Variants in TTK observed in about 807,000 individuals in gnomAD.
The protein encoded by TTK is TTK protein kinase.
A neutral mutation model predicts 117.3 loss-of-function variants in TTK; 59 were observed. The ratio of observed to expected loss-of-function variants is 0.50; its 90% CI spans 0.41 to 0.62. TTK has a LOEUF of 0.62. Among genes scored for constraint, TTK ranks in the 20% least tolerant of loss-of-function variants. The pLI is 0.00. For synonymous variants in TTK, 302 were observed against 325.0 expected (o/e 0.93, Z 0.76); for missense variants, 921 against 989.4 (o/e 0.93, Z 0.93).
rs1767871233 is a variant in TTK at position 80,035,320 on chromosome 6, T to C, written c.1827T>C (p.Leu609=). 2.5e-6 allele frequency: 4 copies of C among 1,612,416 alleles called. No individual in the cohort carries two copies. The highest frequency in any genetic ancestry group is 2.5e-6 in the Non-Finnish European group (3 of 1,179,258). The change falls in exon 16 of 22, where the codon CTT becomes CTC. Residue 609 remains leucine (L), a synonymous_variant. Transcript: ENST00000369798. ...TAATGGAGTGTGGAAATATTGATCTTAATAGTTGGCTTAAAAAGAAAAAAT... is the reference window on the plus strand; with the variant it reads ...TAATGGAGTGTGGAAATATTGATCTCAATAGTTGGCTTAAAAAGAAAAAAT... ...YMVMECGNID[L]NSWLKKKKSI... is the part of the protein sequence containing the mutation.
intron 4 of TTK, among the ~76,000 whole-genome samples, chr6:80,009,313 T>A (rs181426837): frequency 7.1e-4 from 108 of 152,192 alleles, no homozygotes; most frequent in Admixed American, 9.8e-4. Context: ...TCCCCAGGAT[T>A]GAGCCTGGAG....
At chr6:80,039,481 G>A (rs1037070522) in intron 18 of TTK, among the ~76,000 whole-genome samples, 1 of 151,632 alleles carries the variant, frequency 6.6e-6, no homozygotes, top group African/African-American at 2.4e-5. Flanking sequence ...TTAATTATGA[G>A]GTTATAGAAA....
At chr6:80,008,770 G>A (rs971760221) in intron 4 of TTK, among the ~76,000 whole-genome samples, 34 of 152,082 alleles carry the variant, frequency 2.2e-4, no homozygotes, top group Admixed American at 1.3e-4. Context: ...GAAAGTAGCT[G>A]CTTCACTGAG....
chr6:80,036,693 C>T (rs1767915596), intron 17 of TTK, 94 bp downstream of exon 17: 3 of 1,291,958 alleles, frequency 2.3e-6, no homozygotes, highest in Non-Finnish European at 3.1e-6. Context: ...TTTTTAATCA[C>T]CTCATTCTTC....
At chr6:80,025,840 AG>A (rs1767590068) in intron 11 of TTK, among the ~76,000 whole-genome samples, 1 of 150,462 alleles carries the variant, frequency 6.6e-6, no homozygotes, top group South Asian at 2.1e-4. Context: ...GGGTTTGTAT[AG>A]GATGAATCCT....
chr6:80,032,166 T>G (rs1358090217), intron 14 of TTK, among the ~76,000 whole-genome samples: 1 of 152,196 alleles, frequency 6.6e-6, no homozygotes, highest in African/African-American at 2.4e-5. Context: ...CCAGAATAAC[T>G]GTAATCAAGA....
chr6:80,021,096 A>G (rs1767446116), intron 10 of TTK, among the ~76,000 whole-genome samples: 2 of 152,230 alleles, frequency 1.3e-5, no homozygotes, highest in South Asian at 4.1e-4. Flanking sequence ...AGGATTTCCC[A>G]GTACACTCTG....
chr6:80,010,750 C>T, intron 4 of TTK, 64 bp from the exon 5 acceptor site: 1 of 1,450,582 alleles, frequency 6.9e-7, no homozygotes, highest in South Asian at 1.3e-5. Flanking sequence ...GAATACGTAT[C>T]TGGGTGGTCT....
At chr6:80,022,494 A>C in intron 11 of TTK, 22 bp downstream of exon 11, 2 of 1,605,298 alleles carry the variant, frequency 1.2e-6, no homozygotes, top group Non-Finnish European at 1.7e-6. Context: ...ACTAAAGTAC[A>C]ATATTGCTTT....
chr6:80,041,921 A>G (rs570912176), intron 21 of TTK, among the ~76,000 whole-genome samples, 198 bp from the exon 22 acceptor site: 3 of 151,846 alleles, frequency 2.0e-5, no homozygotes, highest in African/African-American at 7.2e-5. Flanking sequence ...GTTATATCTC[A>G]TGATAGGTAA....
At chr6:80,018,281 T>C (rs1191995586) in intron 10 of TTK, among the ~76,000 whole-genome samples, 1 of 152,180 alleles carries the variant, frequency 6.6e-6, no homozygotes, top group Admixed American at 6.5e-5. Context: ...TAGTTTTCCA[T>C]GCATTTTTTG....
At chr6:80,016,780 C>T (rs997248921) in intron 10 of TTK, among the ~76,000 whole-genome samples, 1 of 152,132 alleles carries the variant, frequency 6.6e-6, no homozygotes, top group African/African-American at 2.4e-5. Flanking sequence ...ATCACCTGGG[C>T]GGGTTCAGTT....
chr6:80,042,387 A>G lies in TTK; in HGVS notation c.*185A>G, dbSNP rs2127686389. On this transcript the variant is annotated 3_prime_UTR_variant, in exon 22 of 22. Coordinates refer to ENST00000369798, the MANE Select transcript of TTK (RefSeq NM_003318.5). ...AGCAACCACTTATGGCACTGTATAT[A>G]TTGTAGACTTGTTTTCTCTGTTTTA... 2.7e-6 allele frequency: 1 copy of G among 374,434 alleles called. No homozygotes were observed. Among genetic ancestry groups the G allele is most frequent in the Non-Finnish European group, 4.9e-6 (1 of 202,508 alleles). 23.2% of individuals were successfully genotyped at this position (374,434 alleles called of 1,614,324 possible).
chr6:80,005,332 C>T (rs1582083091), intron 1 of TTK, among the ~76,000 whole-genome samples: 2 of 152,314 alleles, frequency 1.3e-5, no homozygotes, highest in South Asian at 4.1e-4. Context: ...GCTAGATATG[C>T]ACAAGAATAA....
At chr6:80,021,645 G>A (rs780882941) in intron 10 of TTK, among the ~76,000 whole-genome samples, 3 of 152,202 alleles carry the variant, frequency 2.0e-5, no homozygotes, top group Non-Finnish European at 4.4e-5. Context: ...TGCAGGAGTG[G>A]TGCAGGTCTG....
At position 80,022,564 on chromosome 6, in the gene TTK, T is replaced by C. The variant is rs958813134; in HGVS notation, c.1257+92T>C. On this transcript the variant is annotated intron_variant, in intron 11 of 21. Coordinates refer to ENST00000369798, the MANE Select transcript of TTK (RefSeq NM_003318.5). ...ATATTAAATGTTTTCTTTTATTAAA[T>C]GTGTATGATATTTAGTAGAATAGTT... 11 of 1,334,720 alleles carry C rather than the reference T, an allele frequency of 8.2e-6. No individual in the cohort carries two copies. In the South Asian group the frequency reaches 1.5e-4, roughly 18 times the overall value. The allele number at this position is 1,334,720 out of a possible 1,614,324, so 82.7% of individuals were successfully genotyped here.
chr6:80,022,413 C>G lies in TTK; in HGVS notation c.1198C>G (p.Pro400Ala). 6.2e-7 allele frequency: 1 copy of G among 1,613,960 alleles called. No individual in the cohort carries two copies. Among genetic ancestry groups the G allele is most frequent in the African/African-American group, 1.3e-5 (1 of 75,034 alleles). ...AAAGTCAGAGTGTATTAACCAGAAT[C>G]CTGCTGCATCTTCAAATCACTGGCA... is the stretch of plus-strand genomic sequence containing the variant. ...KRKSECINQN[P>A]AASSNHWQIP... Residue 400 changes from proline to alanine, a missense_variant, in exon 11 of 22, where the codon CCT (proline) becomes GCT (alanine). By Grantham distance (27) the Pro-to-Ala change is conservative (BLOSUM62 -1). Transcript: ENST00000369798.
intron 14 of TTK, 138 bp from the exon 15 acceptor site, chr6:80,034,847 A>G (rs1767852135): frequency 1.5e-6 from 1 of 685,702 alleles, no homozygotes; most frequent in Non-Finnish European, 2.1e-6. Context: ...TACACTCAAA[A>G]TAGGCCCAGA....
intron 17 of TTK, 25 bp from the exon 18 acceptor site, chr6:80,037,942 G>A (rs752031237): frequency 3.4e-6 from 5 of 1,454,512 alleles, no homozygotes; most frequent in Middle Eastern, 1.9e-4. Flanking sequence ...TCATTGATTT[G>A]TGTTTTCTCT....
Sources: allele counts gnomAD v4.1 joint callset (sites outside exome capture counted in the v4.1 genomes callset), GRCh38; gene constraint gnomAD v4.1.1; transcripts MANE v1.5; gene names NCBI Gene and HGNC (gene_info 2026-07-23, HGNC 2026-07-21).